The following SNTG1 variants were observed in gnomAD, a reference collection of about 807,000 sequenced individuals.
SNTG1 encodes the protein syntrophin gamma 1, also known as gamma-1-syntrophin.
Under a neutral mutation model 74.7 loss-of-function variants are expected in SNTG1, and 39 were observed. The observed-to-expected ratio is 0.52, with a 90% CI of 0.40 to 0.68. SNTG1 has a LOEUF of 0.68. SNTG1 is among the 30% of genes least tolerant of loss of function. The pLI, the probability that SNTG1 is intolerant of heterozygous loss-of-function variation, is 0.00. For synonymous variants in SNTG1, 254 were observed against 217.1 expected (o/e 1.17, Z -1.49); for missense variants, 685 against 609.5 (o/e 1.12, Z -1.30).
Position 50,570,550 on chromosome 8 carries a change from G to A in SNTG1, c.810+17371G>A, listed in dbSNP as rs533755256. On this transcript the variant is annotated intron_variant, in intron 12 of 18. Coordinates refer to ENST00000642720, the MANE Select transcript of SNTG1 (RefSeq NM_018967.5). ...CTGGGATTACAGGGTGAGCCACCACGTCCAGCCTTATTTTTTATTATTATT... is the reference window on the plus strand; with the variant it reads ...CTGGGATTACAGGGTGAGCCACCACATCCAGCCTTATTTTTTATTATTATT... Among the ~76,000 whole-genome samples the A allele has an allele frequency of 4.2e-5, 6 of 144,140 alleles. No homozygotes were observed. In the South Asian group the frequency reaches 8.7e-4, roughly 21 times the overall value. The allele number at this position is 144,140 out of a possible 152,430, so 94.6% of individuals were successfully genotyped here. A position where few individuals can be genotyped will look rare whatever the true frequency, so the allele number is the denominator to read the frequency against.
intron 1 of SNTG1, among the ~76,000 whole-genome samples, chr8:50,091,804 T>TA (rs2079747972): frequency 2.0e-5 from 3 of 152,096 alleles, no homozygotes; most frequent in Admixed American, 6.6e-5. Context: ...AATAAACAGA[T>TA]AAAAAACTTT....
chr8:50,598,622 T>C lies in SNTG1; in HGVS notation c.849+7705T>C, dbSNP rs149753754. Among the ~76,000 whole-genome samples, 585 of 152,106 alleles carry C rather than the reference T, an allele frequency of 3.8e-3. 4 individuals are homozygous for C. The highest frequency in any genetic ancestry group is 0.013 in the African/African-American group (549 of 41,560). Reference sequence around the variant, plus strand: ...TTTAAAAAATCTGTGAAAATGGCATTGTCATTTGATAAGGATTTCATTAAA... The same window carrying C: ...TTTAAAAAATCTGTGAAAATGGCATCGTCATTTGATAAGGATTTCATTAAA... On this transcript the variant is annotated intron_variant, in intron 13 of 18. Coordinates refer to ENST00000642720, the MANE Select transcript of SNTG1 (RefSeq NM_018967.5).
intron 13 of SNTG1, among the ~76,000 whole-genome samples, chr8:50,616,876 C>CCGTCA (rs1196837282): frequency 1.3e-5 from 2 of 152,188 alleles, no homozygotes; most frequent in Non-Finnish European, 2.9e-5. Flanking sequence ...TTCTCTTCCT[C>CCGTCA]CGTCACGCAA....
At chr8:50,679,088 A>T (rs969808349) in intron 15 of SNTG1, among the ~76,000 whole-genome samples, 1 of 152,138 alleles carries the variant, frequency 6.6e-6, no homozygotes, top group East Asian at 1.9e-4. Flanking sequence ...AATATAATCT[A>T]TTAACTGTTT....
chr8:50,394,182 T>C, intron 2 of SNTG1, 30 bp from the exon 3 acceptor site: 2 of 1,587,888 alleles, frequency 1.3e-6, no homozygotes, highest in Non-Finnish European at 1.7e-6. Flanking sequence ...ATGCTGTGCC[T>C]AATGGCTTAC....
At chr8:50,246,574 G>A (rs1032482877) in intron 2 of SNTG1, among the ~76,000 whole-genome samples, 3 of 151,796 alleles carry the variant, frequency 2.0e-5, no homozygotes, top group Non-Finnish European at 4.4e-5. Flanking sequence ...TCGTAAGGTG[G>A]ATGCCTAATG....
chr8:50,030,343 C>G (rs1242816921), intron 1 of SNTG1, among the ~76,000 whole-genome samples: 3 of 151,906 alleles, frequency 2.0e-5, no homozygotes, highest in Admixed American at 2.0e-4. Context: ...AGCTTTTTAG[C>G]TTTATGTGAT....
At chr8:50,434,459 C>T (rs1032672293) in intron 4 of SNTG1, among the ~76,000 whole-genome samples, 12 of 138,626 alleles carry the variant, frequency 8.7e-5, no homozygotes, top group South Asian at 2.5e-4. Flanking sequence ...CTTGAGGAAT[C>T]GCCACACTGT....
intron 12 of SNTG1, among the ~76,000 whole-genome samples, chr8:50,557,956 G>A (rs143470196): frequency 6.6e-6 from 1 of 152,190 alleles, no homozygotes; most frequent in East Asian, 1.9e-4. Context: ...ACATAAAATC[G>A]GGATATCGCC....
intron 2 of SNTG1, among the ~76,000 whole-genome samples, chr8:50,202,361 C>T (rs995449092): frequency 1.3e-5 from 2 of 152,060 alleles, no homozygotes; most frequent in Non-Finnish European, 2.9e-5. Flanking sequence ...TCCTCCCCTC[C>T]TTCCCCTGAT....
intron 2 of SNTG1, among the ~76,000 whole-genome samples, chr8:50,255,312 T>G (rs1209081727): frequency 6.6e-6 from 1 of 152,202 alleles, no homozygotes; most frequent in Non-Finnish European, 1.5e-5. Flanking sequence ...GTAAGTTCCT[T>G]TCTAATTTAT....
Position 50,557,740 on chromosome 8 carries a change from T to A in SNTG1, c.810+4561T>A, listed in dbSNP as rs374474237. ...AAGGACCCTTTATCTGGTTCCAGGT[T>A]TTCCATGTGGATATTTTGGGAGGAG... On this transcript the variant is annotated intron_variant, in intron 12 of 18. Coordinates refer to ENST00000642720, the MANE Select transcript of SNTG1 (RefSeq NM_018967.5). Among the ~76,000 whole-genome samples the A allele has an allele frequency of 1.5e-4, 23 of 152,236 alleles. 1 individual carries two copies. The highest frequency in any genetic ancestry group is 4.3e-4 in the African/African-American group (18 of 41,470).
At chr8:49,981,996 A>G (rs1199347405) in intron 1 of SNTG1, among the ~76,000 whole-genome samples, 1 of 152,140 alleles carries the variant, frequency 6.6e-6, no homozygotes, top group East Asian at 1.9e-4. Context: ...AAAAATAACT[A>G]ATAGATAATA....
At chr8:50,351,350 T>G (rs575710168) in intron 2 of SNTG1, among the ~76,000 whole-genome samples, 2 of 152,322 alleles carry the variant, frequency 1.3e-5, no homozygotes, top group East Asian at 3.9e-4. Context: ...ACCATTTGGC[T>G]ACACAGGTGT....
chr8:50,753,673 A>G (rs182183957), intron 18 of SNTG1, among the ~76,000 whole-genome samples: 1 of 152,032 alleles, frequency 6.6e-6, no homozygotes, highest in Admixed American at 6.6e-5. Flanking sequence ...AGCATTATTC[A>G]TTCTTGTAAT....
At chr8:50,033,099 G>A (rs947168410) in intron 1 of SNTG1, among the ~76,000 whole-genome samples, 1 of 151,784 alleles carries the variant, frequency 6.6e-6, no homozygotes, top group African/African-American at 2.4e-5. Context: ...ACAGTGCTAA[G>A]GAACTATGCA....
chr8:50,501,433 T>TG (rs2093952827), intron 8 of SNTG1, among the ~76,000 whole-genome samples: 1 of 123,454 alleles, frequency 8.1e-6, no homozygotes. Flanking sequence ...GCGTTTTTTT[T>TG]TTTTTTTTTT....
At chr8:50,322,918 C>G (rs1187231215) in intron 2 of SNTG1, among the ~76,000 whole-genome samples, 1 of 151,768 alleles carries the variant, frequency 6.6e-6, no homozygotes, top group East Asian at 2.0e-4. Context: ...GAGTTTGAGA[C>G]CAGCCTGGCT....
At chr8:50,380,814 G>T (rs936121900) in intron 2 of SNTG1, among the ~76,000 whole-genome samples, 2 of 152,164 alleles carry the variant, frequency 1.3e-5, no homozygotes, top group African/African-American at 4.8e-5. Flanking sequence ...CATAATTGAT[G>T]ATAATAATTC....
Sources: allele counts gnomAD v4.1 joint callset (sites outside exome capture counted in the v4.1 genomes callset), GRCh38; gene constraint gnomAD v4.1.1; transcripts MANE v1.5; gene names NCBI Gene and HGNC (gene_info 2026-07-23, HGNC 2026-07-21).